SLC16A9: variants seen among roughly 807,000 people sequenced by gnomAD.
The protein encoded by SLC16A9 is solute carrier family 16 member 9, also known as monocarboxylate transporter 9.
SLC16A9 carries 26 observed loss-of-function variants against 44.3 expected under a neutral mutation model. That is an observed-to-expected ratio of 0.59 (90% CI 0.43 to 0.81). The LOEUF (loss-of-function observed/expected upper bound fraction) is 0.81, where lower values mean the gene tolerates loss of function less well. Ranked by LOEUF, SLC16A9 falls within the 40% of genes least tolerant of loss-of-function variation. The pLI, the probability that SLC16A9 is intolerant of heterozygous loss-of-function variation, is 0.00. For synonymous variants in SLC16A9, 230 were observed against 225.1 expected, an observed-to-expected ratio of 1.02 and a Z score of -0.19; for missense variants, 559 against 595.8, an observed-to-expected ratio of 0.94 and a Z score of 0.64.
chr10:59,693,928 C>CTTATTTATTTAT (rs369815285), intron 1 of SLC16A9, among the ~76,000 whole-genome samples: 117 of 130,760 alleles, frequency 8.9e-4, no homozygotes, highest in African/African-American at 3.3e-3. Flanking sequence ...TTTAATTTTA[C>CTTATTTATTTAT]TTATTTATTT....
At chr10:59,663,305 G>A (rs1427574453) in intron 4 of SLC16A9, among the ~76,000 whole-genome samples, 3 of 152,062 alleles carry the variant, frequency 2.0e-5, no homozygotes. Context: ...AGGTTGTGGT[G>A]AGCCAAGATT....
intron 1 of SLC16A9, among the ~76,000 whole-genome samples, chr10:59,704,182 CT>C (rs1184047503): frequency 2.6e-5 from 4 of 152,168 alleles, no homozygotes; most frequent in Non-Finnish European, 4.4e-5. Flanking sequence ...GGCATTTTCT[CT>C]CCAGGTCCTT....
chr10:59,703,623 A>G (rs1246488798), intron 1 of SLC16A9, among the ~76,000 whole-genome samples: 2 of 152,212 alleles, frequency 1.3e-5, no homozygotes, highest in Admixed American at 6.5e-5. Context: ...CACTCAGGCC[A>G]AATCTGGCCA....
At chr10:59,696,504 G>T (rs1840379547) in intron 1 of SLC16A9, among the ~76,000 whole-genome samples, 1 of 152,158 alleles carries the variant, frequency 6.6e-6, no homozygotes, top group Admixed American at 6.5e-5. Flanking sequence ...TGCCGAGATT[G>T]CAGCCTCTGC....
chr10:59,663,954 T>A (rs987542769), intron 4 of SLC16A9, among the ~76,000 whole-genome samples: 2 of 149,648 alleles, frequency 1.3e-5, no homozygotes, highest in African/African-American at 4.9e-5. Flanking sequence ...ATACTAAATA[T>A]CAGTTTACAA....
chr10:59,672,708 C>T, intron 3 of SLC16A9, 62 bp downstream of exon 3: 1 of 1,458,404 alleles, frequency 6.9e-7, no homozygotes, highest in Non-Finnish European at 9.3e-7. Flanking sequence ...ATAAACCTGG[C>T]ACTGGTGAAA....
intron 5 of SLC16A9, 44 bp downstream of exon 5, chr10:59,653,631 A>C (rs1379634287): frequency 6.5e-7 from 1 of 1,528,690 alleles, no homozygotes; most frequent in African/African-American, 1.4e-5. Context: ...AGATATGACA[A>C]GGAAGAACAG....
chr10:59,667,668 A>G (rs772980012), intron 3 of SLC16A9, among the ~76,000 whole-genome samples: 76 of 152,164 alleles, frequency 5.0e-4, no homozygotes, highest in Non-Finnish European at 9.0e-4. Context: ...AAAGGGTTCC[A>G]AGATTAAACA....
intron 1 of SLC16A9, among the ~76,000 whole-genome samples, chr10:59,698,415 G>T (rs900362387): frequency 3.3e-5 from 5 of 152,112 alleles, no homozygotes; most frequent in Admixed American, 6.5e-5. Context: ...CTTTAACGTG[G>T]CAAATCCCCA....
chr10:59,705,747 G>A (rs1050121886), intron 1 of SLC16A9, among the ~76,000 whole-genome samples: 1 of 152,136 alleles, frequency 6.6e-6, no homozygotes, highest in Admixed American at 6.5e-5. Flanking sequence ...CTGATAGGAA[G>A]TGAATATTGA....
At chr10:59,658,083 C>A (rs550103241) in intron 4 of SLC16A9, among the ~76,000 whole-genome samples, 47 of 152,220 alleles carry the variant, frequency 3.1e-4, no homozygotes, top group African/African-American at 1.1e-3. Flanking sequence ...TAATGGGAAC[C>A]TTGGTCTCCA....
chr10:59,653,282 C>T (rs988453676), intron 5 of SLC16A9, among the ~76,000 whole-genome samples: 4 of 151,172 alleles, frequency 2.6e-5, no homozygotes, highest in Middle Eastern at 3.2e-3. Context: ...AAACATTAGC[C>T]GGGCGTGGTG....
In SLC16A9 at chr10:59,664,306, T is replaced by C. The variant is rs201411395; in HGVS notation, c.357A>G (p.Leu119=). 1 of 1,610,796 alleles carries C rather than the reference T, an allele frequency of 6.2e-7. No homozygotes were observed. Among genetic ancestry groups the C allele is most frequent in the African/African-American group, 1.3e-5 (1 of 74,916 alleles). ...YGIVVGLGCG[L]LYTATVTITC... ...TAATGGTCACTGTTGCAGTGTATAA[T>C]AAACCACATCCAAGACCTAAGCATG... Residue 119 remains leucine, a synonymous_variant, in exon 4 of 6, where the codon TTA becomes TTG. Coordinates refer to ENST00000395348, the MANE Select transcript of SLC16A9 (RefSeq NM_194298.3).
chr10:59,664,031 TAA>T (rs71467073), intron 4 of SLC16A9, among the ~76,000 whole-genome samples, 194 bp downstream of exon 4: 7 of 122,492 alleles, frequency 5.7e-5, no homozygotes, highest in Non-Finnish European at 6.7e-5. Flanking sequence ...ATGTAAAATG[TAA>T]AAAAAAAAAA....
chr10:59,690,862 T>A (rs756218140), intron 1 of SLC16A9, among the ~76,000 whole-genome samples: 2 of 151,680 alleles, frequency 1.3e-5, no homozygotes, highest in African/African-American at 4.8e-5. Flanking sequence ...AGTGGGTGGA[T>A]CACCTGAGGT....
chr10:59,680,889 G>A (rs1434715693), intron 2 of SLC16A9, among the ~76,000 whole-genome samples: 1 of 151,954 alleles, frequency 6.6e-6, no homozygotes, highest in African/African-American at 2.4e-5. Flanking sequence ...AGGCTGAGTT[G>A]GGAGGATCAC....
chr10:59,694,968 C>T (rs1840340727), intron 1 of SLC16A9, among the ~76,000 whole-genome samples: 1 of 151,200 alleles, frequency 6.6e-6, no homozygotes, highest in South Asian at 2.1e-4. Flanking sequence ...GACTATTATT[C>T]AGCAATAAAA....
Position 59,653,990 on chromosome 10 carries a change from T to C in SLC16A9, c.1036A>G (p.Ile346Val). ...GCTGTCATAATGCCTATAATGGAAA[T>C]AAGTGGCATAATAAACTCTTCTTCT... ...VKEEEFIMPL[I>V]SIIGIMTAVG... The change falls in exon 5 of 6, where the codon ATT becomes GTT. Residue 346 changes from isoleucine (I) to valine (V), a missense_variant. Transcript: ENST00000395348. 6.2e-7 allele frequency: 1 copy of C among 1,613,888 alleles called. No individual in the cohort carries two copies.
intron 1 of SLC16A9, among the ~76,000 whole-genome samples, chr10:59,690,572 C>G (rs1254553809): frequency 6.6e-6 from 1 of 152,112 alleles, no homozygotes; most frequent in Admixed American, 6.6e-5. Flanking sequence ...CATGAACATA[C>G]ATGTGTAATC....
Sources: allele counts gnomAD v4.1 joint callset (sites outside exome capture counted in the v4.1 genomes callset), GRCh38; gene constraint gnomAD v4.1.1; transcripts MANE v1.5; gene names NCBI Gene and HGNC (gene_info 2026-07-23, HGNC 2026-07-21).